Variants in CADM2 observed in about 807,000 individuals in gnomAD.
CADM2 encodes the protein cell adhesion molecule 2, also known as immunoglobulin superfamily member 4D.
In CADM2, 12 loss-of-function variants were observed where a neutral mutation model predicts 49.8. The ratio of observed to expected loss-of-function variants is 0.24; its 90% confidence interval spans 0.15 to 0.39. CADM2 has a LOEUF of 0.39. CADM2 is among the 10% of genes least tolerant of loss of function. CADM2 has a pLI of 1.00. For synonymous variants in CADM2, 214 were observed against 175.4 expected, an observed-to-expected ratio of 1.22 and a Z score of -1.74; for missense variants, 378 against 492.3, an observed-to-expected ratio of 0.77 and a Z score of 2.20.
chr3:85,045,327 A>G (rs2035611540), intron 1 of CADM2, among the ~76,000 whole-genome samples: 1 of 152,178 alleles, frequency 6.6e-6, no homozygotes, highest in Admixed American at 6.6e-5. Context: ...TACAAATTTA[A>G]CAGTAGAAAA....
chr3:85,192,162 C>A (rs1430047629), intron 1 of CADM2, among the ~76,000 whole-genome samples: 1 of 151,508 alleles, frequency 6.6e-6, no homozygotes, highest in Non-Finnish European at 1.5e-5. Context: ...CCTGTCAAAT[C>A]AACTTTATGG....
At chr3:85,386,073 G>A (rs2034211027) in intron 1 of CADM2, among the ~76,000 whole-genome samples, 1 of 152,188 alleles carries the variant, frequency 6.6e-6, no homozygotes, top group East Asian at 1.9e-4. Context: ...AGGAATCTCG[G>A]CTTTCCCCTA....
chr3:85,588,602 A>T (rs375069298), intron 1 of CADM2, among the ~76,000 whole-genome samples: 1 of 152,102 alleles, frequency 6.6e-6, no homozygotes, highest in Non-Finnish European at 1.5e-5. Flanking sequence ...GTCTGTTTTC[A>T]TCTAAGTACC....
intron 8 of CADM2, among the ~76,000 whole-genome samples, chr3:86,005,606 T>C (rs948238044): frequency 6.6e-6 from 1 of 151,790 alleles, no homozygotes; most frequent in Non-Finnish European, 1.5e-5. Flanking sequence ...TTATGTGGTG[T>C]ATGAGATATT....
intron 2 of CADM2, among the ~76,000 whole-genome samples, chr3:85,745,953 G>A (rs189973198): frequency 6.6e-6 from 1 of 151,778 alleles, no homozygotes; most frequent in East Asian, 1.9e-4. Context: ...CCCAACTTTA[G>A]CCTTCCCCAC....
At chr3:85,666,846 G>T (rs952773149) in intron 1 of CADM2, among the ~76,000 whole-genome samples, 1 of 151,864 alleles carries the variant, frequency 6.6e-6, no homozygotes, top group African/African-American at 2.4e-5. Flanking sequence ...CAAATGCCAG[G>T]GTATTTTGGG....
At chr3:85,063,666 C>G (rs557453372) in intron 1 of CADM2, among the ~76,000 whole-genome samples, 1 of 152,072 alleles carries the variant, frequency 6.6e-6, no homozygotes, top group South Asian at 2.1e-4. Context: ...ATGAGCTGCC[C>G]TCCAGATAAT....
intron 8 of CADM2, among the ~76,000 whole-genome samples, chr3:86,061,140 G>T (rs1738589285): frequency 2.0e-5 from 3 of 151,970 alleles, no homozygotes; most frequent in Admixed American, 2.0e-4. Flanking sequence ...CTTACTAAAA[G>T]ACACTGAATG....
intron 1 of CADM2, among the ~76,000 whole-genome samples, chr3:85,485,617 A>G (rs1813696): frequency 0.59 from 90,277 of 151,780 alleles, 28,271 homozygotes; most frequent in East Asian, 0.92. Context: ...TAACATCAGC[A>G]AAATCATAGT....
intron 1 of CADM2, among the ~76,000 whole-genome samples, chr3:85,545,694 G>A (rs773243687): frequency 6.6e-6 from 1 of 152,122 alleles, no homozygotes; most frequent in Non-Finnish European, 1.5e-5. Context: ...GGGCTGGGTG[G>A]AACCCTGCTG....
At chr3:85,606,994 T>C (rs1159714950) in intron 1 of CADM2, among the ~76,000 whole-genome samples, 2 of 152,130 alleles carry the variant, frequency 1.3e-5, no homozygotes, top group Non-Finnish European at 2.9e-5. Context: ...GATACCATTA[T>C]TGACATTGTA....
intron 1 of CADM2, among the ~76,000 whole-genome samples, chr3:85,235,457 A>G (rs2042388421): frequency 6.6e-6 from 1 of 152,164 alleles, no homozygotes; most frequent in South Asian, 2.1e-4. Context: ...TTGATTATAA[A>G]TGTTCATGCT....
At chr3:85,437,285 T>C (rs1311931492) in intron 1 of CADM2, among the ~76,000 whole-genome samples, 1 of 152,174 alleles carries the variant, frequency 6.6e-6, no homozygotes, top group African/African-American at 2.4e-5. Flanking sequence ...TTCTAAGTTT[T>C]GGCAATGATG....
intron 5 of CADM2, among the ~76,000 whole-genome samples, chr3:85,908,774 G>T (rs1296894800): frequency 6.6e-6 from 1 of 151,032 alleles, no homozygotes; most frequent in African/African-American, 2.4e-5. Flanking sequence ...ACCCAGGCTG[G>T]AGTGCAGGGG....
At chr3:85,930,291 A>T (rs917546185) in intron 6 of CADM2, among the ~76,000 whole-genome samples, 6 of 152,102 alleles carry the variant, frequency 3.9e-5, no homozygotes, top group African/African-American at 1.4e-4. Context: ...ATATACATTT[A>T]AAAAATTTTT....
Position 85,440,416 on chromosome 3 carries a change from A to G in CADM2, c.62-286106A>G, listed in dbSNP as rs78788176. 5.7e-3 allele frequency among the ~76,000 whole-genome samples: 874 copies of G among 152,240 alleles called. 10 individuals are homozygous for G. Among genetic ancestry groups the G allele is most frequent in the African/African-American group, 0.02 (829 of 41,536 alleles). On this transcript the variant is annotated intron_variant, in intron 1 of 9. Coordinates refer to ENST00000383699, the MANE Select transcript of CADM2 (RefSeq NM_001167675.2). ...CTGGGCCTCTCTTATGAACTCTTTT[A>G]TCTAAAATTTTATTGATCTACTTTA... is the stretch of plus-strand genomic sequence containing the variant.
intron 3 of CADM2, among the ~76,000 whole-genome samples, chr3:85,829,319 T>G (rs2074073177): frequency 6.6e-6 from 1 of 151,910 alleles, no homozygotes; most frequent in African/African-American, 2.4e-5. Flanking sequence ...CATAATAATT[T>G]TACCTATTTA....
At chr3:85,641,465 A>G (rs1401242032) in intron 1 of CADM2, among the ~76,000 whole-genome samples, 1 of 152,216 alleles carries the variant, frequency 6.6e-6, no homozygotes, top group Non-Finnish European at 1.5e-5. Context: ...TAAGATTGAA[A>G]TCAGTTGAAG....
chr3:85,337,002 T>TA (rs2045104444), intron 1 of CADM2, among the ~76,000 whole-genome samples: 1 of 127,470 alleles, frequency 7.8e-6, no homozygotes, highest in Non-Finnish European at 1.7e-5. Flanking sequence ...TTAATATATA[T>TA]TAAATATAAT....
Sources: allele counts gnomAD v4.1 joint callset (sites outside exome capture counted in the v4.1 genomes callset), GRCh38; gene constraint gnomAD v4.1.1; transcripts MANE v1.5; gene names NCBI Gene and HGNC (gene_info 2026-07-23, HGNC 2026-07-21).